GALNT9: variants seen among roughly 807,000 people sequenced by gnomAD.
The protein encoded by GALNT9 is polypeptide N-acetylgalactosaminyltransferase 9.
In GALNT9, 47 loss-of-function variants were observed where a neutral mutation model predicts 63.1. The observed-to-expected ratio is 0.75, with a 90% confidence interval of 0.59 to 0.95. GALNT9 has a LOEUF of 0.95. Among genes scored for constraint, GALNT9 ranks in the 40% least tolerant of loss-of-function variants. GALNT9 has a pLI of 0.00. For missense variants in GALNT9, 829 were observed against 874.8 expected (o/e 0.95, Z 0.66); for synonymous variants, 396 against 365.7 (o/e 1.08, Z -0.94).
At position 132,286,116 on chromosome 12, in the gene GALNT9, G is replaced by T; in HGVS notation, c.419+134C>A. ...CACTTCCCCGGCGGGCGTGGGGGGC[G>T]GTCACTTCCCTGGCGGGCGTGGGGG... On this transcript the variant is annotated intron_variant, in intron 2 of 10. Coordinates refer to ENST00000328957, the MANE Select transcript of GALNT9 (RefSeq NM_001122636.2). This position sits in a 1 kb window ranked among gnomAD's most constrained non-coding sequence, Gnocchi z 7.4. 9.0e-7 allele frequency: 1 copy of T among 1,112,628 alleles called. No individual in the cohort carries two copies. The highest frequency in any genetic ancestry group is 1.2e-6 in the Non-Finnish European group (1 of 818,366). The allele number at this position is 1,112,628 out of a possible 1,614,324, so 68.9% of individuals were successfully genotyped here.
intron 8 of GALNT9, chr12:132,200,771 GGTACAT>G (rs1400426428): frequency 3.8e-6 from 1 of 261,098 alleles, no homozygotes; most frequent in African/African-American, 2.5e-5. Context: ...TGAGAGCGTA[GGTACAT>G]TGAATCAGGC....
In GALNT9 at chr12:132,197,927, C is replaced by T. The variant is rs1436622854; in HGVS notation, c.1530G>A (p.Gln510=). 1.2e-6 allele frequency: 2 copies of T among 1,611,688 alleles called. No homozygotes were observed. The highest frequency in any genetic ancestry group is 1.7e-6 in the Non-Finnish European group (2 of 1,179,556). Residue 510 remains glutamine (Q), a synonymous_variant, in exon 10 of 11, where the codon CAG becomes CAA. Coordinates refer to ENST00000328957, the MANE Select transcript of GALNT9 (RefSeq NM_001122636.2). ...AGGCTGTGGAGCCCAGAGGCCCCAG[C>T]TGCAGCAGTCCATCAGCGCTGTACC... ...LVRYSADGLL[Q]LGPLGSTAFL...
At position 132,238,981 on chromosome 12, in the gene GALNT9, T is replaced by A. The variant is rs1555236587; in HGVS notation, c.1077+8929A>T. ...GGTTGGATACCACAGTCTGGAAGGC[T>A]TTGTCGTCTGATGGCCGCTCGAAAG... is the stretch of plus-strand genomic sequence containing the variant. On this transcript the variant is annotated intron_variant, in intron 6 of 10. Coordinates refer to ENST00000328957, the MANE Select transcript of GALNT9 (RefSeq NM_001122636.2). The surrounding 1 kb of genome is among the most constrained non-coding windows in gnomAD (Gnocchi z 6.5). 1.3e-5 allele frequency among the ~76,000 whole-genome samples: 2 copies of A among 152,172 alleles called. No homozygotes were observed. The highest frequency in any genetic ancestry group is 6.5e-5 in the Admixed American group (1 of 15,276).
intron 6 of GALNT9, among the ~76,000 whole-genome samples, chr12:132,235,133 T>TGG (rs1877951219): frequency 3.9e-5 from 2 of 50,860 alleles, no homozygotes; most frequent in African/African-American, 1.1e-4. Flanking sequence ...CAGCGTGGAG[T>TGG]CCCTAGTGCC....
At chr12:132,211,518 C>G (rs993703178) in intron 6 of GALNT9, among the ~76,000 whole-genome samples, 1 of 152,166 alleles carries the variant, frequency 6.6e-6, no homozygotes, top group African/African-American at 2.4e-5. Flanking sequence ...CCACATGCAG[C>G]TGCCTTTCGC....
intron 4 of GALNT9, among the ~76,000 whole-genome samples, chr12:132,258,661 G>A (rs782283555): frequency 9.9e-5 from 15 of 152,222 alleles, no homozygotes; most frequent in Admixed American, 1.3e-4. Flanking sequence ...CCAGGAGGCC[G>A]GACAGAGCGA....
At position 132,286,292 on chromosome 12, in the gene GALNT9, C is replaced by G; in HGVS notation, c.377G>C (p.Arg126Pro). The change falls in exon 2 of 11, where the codon CGC (arginine) becomes CCC (proline). Residue 126 changes from arginine (R) to proline (P), a missense_variant. Arg to Pro is a moderately radical substitution (Grantham distance 103). Transcript: ENST00000328957. This position sits in a 1 kb window ranked among gnomAD's most constrained non-coding sequence, Gnocchi z 7.4. Reference protein sequence around the residue: ...EYGYNAQLSDRISLDRSIPDY... With the variant: ...EYGYNAQLSDPISLDRSIPDY... ...GGGGATGCTCCGATCGAGGGAGATG[C>G]GGTCGCTGAGCTGAGCGTTGTAGCC... 6.4e-7 allele frequency: 1 copy of G among 1,551,188 alleles called. No homozygotes were observed.
At chr12:132,268,194 CAT>C (rs1829527904) in intron 2 of GALNT9, among the ~76,000 whole-genome samples, 1 of 152,174 alleles carries the variant, frequency 6.6e-6, no homozygotes, top group African/African-American at 2.4e-5. Context: ...TACTCACACA[CAT>C]GCACTCACAC....
intron 3 of GALNT9, 107 bp downstream of exon 3, chr12:132,262,352 G>A (rs1275531861): frequency 2.2e-6 from 3 of 1,376,052 alleles, no homozygotes; most frequent in Middle Eastern, 2.5e-4. Context: ...GGACAGATGG[G>A]GTGCAGTCCT....
intron 1 of GALNT9, among the ~76,000 whole-genome samples, chr12:132,311,841 G>A (rs782545676): frequency 2.0e-5 from 3 of 152,240 alleles, no homozygotes; most frequent in Non-Finnish European, 4.4e-5. Context: ...GTGGAGGGGA[G>A]TGTGGAAGCT....
Position 132,228,397 on chromosome 12 carries a change from G to A in GALNT9, c.1077+19513C>T, listed in dbSNP as rs1304355111. 3.5e-3 allele frequency among the ~76,000 whole-genome samples: 315 copies of A among 90,764 alleles called. 3 individuals carry two copies. Among genetic ancestry groups the A allele is most frequent in the Middle Eastern group, 0.013 (2 of 150 alleles). 59.5% of individuals were successfully genotyped at this position (90,764 alleles called of 152,430 possible). A position where few individuals can be genotyped will look rare whatever the true frequency, so the allele number is the denominator to read the frequency against. On this transcript the variant is annotated intron_variant, in intron 6 of 10. Coordinates refer to ENST00000328957, the MANE Select transcript of GALNT9 (RefSeq NM_001122636.2). ...AGGGTGATACCTCTTTGCCTCTGGC[G>A]AGGCAGGGCGGCCCGTCAGCACCTC...
rs1201094691 is a variant in GALNT9, at chr12:132,236,497, G to C, written c.1077+11413C>G. Among the ~76,000 whole-genome samples, 1 of 151,658 alleles carries C rather than the reference G, an allele frequency of 6.6e-6. No homozygotes were observed. On this transcript the variant is annotated intron_variant, in intron 6 of 10. Coordinates refer to ENST00000328957, the MANE Select transcript of GALNT9 (RefSeq NM_001122636.2). This position sits in a 1 kb window ranked among gnomAD's most constrained non-coding sequence, Gnocchi z 5.6. Reference sequence around the variant, plus strand: ...TCAGCTCTGCAAAATCATCACAGACGTGGGGGGATGGCGTCTCTCCCTCCC... The same window carrying C: ...TCAGCTCTGCAAAATCATCACAGACCTGGGGGGATGGCGTCTCTCCCTCCC...
At chr12:132,290,360 C>G (rs1555242594) in intron 1 of GALNT9, among the ~76,000 whole-genome samples, 1 of 152,170 alleles carries the variant, frequency 6.6e-6, no homozygotes, top group Non-Finnish European at 1.5e-5. Context: ...CGGCCCCACC[C>G]CTGCGGCACC....
chr12:132,283,749 A>AT (rs371290267), intron 2 of GALNT9: 3 of 134,564 alleles, frequency 2.2e-5, no homozygotes, highest in Non-Finnish European at 5.0e-5. Flanking sequence ...AGTCCATGGG[A>AT]CCCCCCCCCA....
chr12:132,286,127 T>TGGGGGGCGGTCACTTCCCC lies in GALNT9; in HGVS notation c.419+122_419+123insGGGGAAGTGACCGCCCCCC. Reference sequence around the variant, plus strand: ...CGGGCGTGGGGGGCGGTCACTTCCCTGGCGGGCGTGGGGGCCGCTCACTTC... The same window carrying TGGGGGGCGGTCACTTCCCC: ...CGGGCGTGGGGGGCGGTCACTTCCCTGGGGGGCGGTCACTTCCCCGGCGGGCGTGGGGGCCGCTCACTTC... On this transcript the variant is annotated intron_variant, in intron 2 of 10. Coordinates refer to ENST00000328957, the MANE Select transcript of GALNT9 (RefSeq NM_001122636.2). This position sits in a 1 kb window ranked among gnomAD's most constrained non-coding sequence, Gnocchi z 7.4. 1.2e-6 allele frequency: 1 copy of TGGGGGGCGGTCACTTCCCC among 868,320 alleles called. No individual in the cohort carries two copies. 53.8% of individuals were successfully genotyped at this position (868,320 alleles called of 1,614,324 possible).
intron 4 of GALNT9, 140 bp downstream of exon 4, chr12:132,260,808 C>A: frequency 8.0e-7 from 1 of 1,242,784 alleles, no homozygotes; most frequent in Non-Finnish European, 1.1e-6. Flanking sequence ...GGCTCTCAGT[C>A]CCAGATCCTG....
Position 132,286,282 on chromosome 12 carries a change from G to T in GALNT9, c.387C>A (p.Leu129=). 1 of 1,551,092 alleles carries T rather than the reference G, an allele frequency of 6.4e-7. No homozygotes were observed. Residue 129 remains leucine, a synonymous_variant, in exon 2 of 11, where the codon CTC becomes CTA. Transcript: ENST00000328957. The surrounding 1 kb of genome is among the most constrained non-coding windows in gnomAD (Gnocchi z 7.4). ...GCCGGTAGTCGGGGATGCTCCGATCGAGGGAGATGCGGTCGCTGAGCTGAG... is the reference window on the plus strand; with the variant it reads ...GCCGGTAGTCGGGGATGCTCCGATCTAGGGAGATGCGGTCGCTGAGCTGAG... ...YNAQLSDRIS[L]DRSIPDYRPR...
intron 8 of GALNT9, 50 bp downstream of exon 8, chr12:132,201,074 C>T: frequency 2.5e-6 from 4 of 1,576,254 alleles, no homozygotes; most frequent in African/African-American, 1.3e-5. Context: ...GTGCAGGAGT[C>T]AGGGCAGAAA....
intron 1 of GALNT9, among the ~76,000 whole-genome samples, chr12:132,322,293 C>G (rs943146157): frequency 6.6e-6 from 1 of 152,222 alleles, no homozygotes; most frequent in African/African-American, 2.4e-5. Flanking sequence ...CCGTCTTCCT[C>G]CCTGGGATGT....
Sources: gnomAD v4.1 joint callset for allele counts (sites outside exome capture counted in the v4.1 genomes callset) on GRCh38, gnomAD v4.1.1 for gene constraint, Gnocchi (gnomAD v3.1) non-coding constraint, MANE v1.5 for transcripts, NCBI Gene and HGNC (gene_info 2026-07-23, HGNC 2026-07-21) for gene names.